PHIP: variants seen among roughly 807,000 people sequenced by gnomAD.
PHIP encodes PH-interacting protein.
A neutral mutation model predicts 236.8 loss-of-function variants in PHIP; 54 were observed. The observed-to-expected ratio is 0.23, with a 90% CI of 0.18 to 0.29. The LOEUF is 0.29. Among genes scored for constraint, PHIP ranks in the 10% least tolerant of loss-of-function variants. The pLI is 1.00. For synonymous variants in PHIP, 756 were observed against 718.9 expected (o/e 1.05, Z -0.83); for missense variants, 1,370 against 2,190.8 (o/e 0.63, Z 7.48).
rs1202614843 is a variant in PHIP, at chr6:78,936,663, C to A, written c.*4030G>T. 6.6e-6 allele frequency: 1 copy of A among 151,732 alleles called. No individual in the cohort carries two copies. 9.4% of individuals were successfully genotyped at this position (151,732 alleles called of 1,614,324 possible). Reference sequence around the variant, plus strand: ...GAGCTATCAAAACTAAAAATAATATCTATTTATAGCTCATATTTTCTACTC... The same window carrying A: ...GAGCTATCAAAACTAAAAATAATATATATTTATAGCTCATATTTTCTACTC... On this transcript the variant is annotated 3_prime_UTR_variant, in exon 40 of 40. Transcript: ENST00000275034.
intron 6 of PHIP, among the ~76,000 whole-genome samples, chr6:79,054,767 C>G (rs1772990137): frequency 6.6e-6 from 1 of 151,026 alleles, no homozygotes; most frequent in Non-Finnish European, 1.5e-5. Flanking sequence ...AAGAAATTAC[C>G]AGCTACAGAA....
chr6:78,966,139 C>T (rs1582123717), intron 27 of PHIP, 83 bp from the exon 28 acceptor site: 2 of 806,754 alleles, frequency 2.5e-6, no homozygotes, highest in East Asian at 4.9e-5. Flanking sequence ...CCTTTAAGTA[C>T]CTAAACTGCC....
chr6:78,968,075 C>A (rs1767263008), intron 27 of PHIP, among the ~76,000 whole-genome samples: 1 of 152,230 alleles, frequency 6.6e-6, no homozygotes, highest in South Asian at 2.1e-4. Flanking sequence ...GTGGAACTTG[C>A]AGTGAGCCAA....
At chr6:79,003,959 G>A (rs1210950573) in intron 15 of PHIP, 101 bp from the exon 16 acceptor site, 1 of 697,514 alleles carries the variant, frequency 1.4e-6, no homozygotes, top group African/African-American at 1.9e-5. Context: ...ACATCCTAAT[G>A]AAGTGAAGAT....
chr6:78,955,318 T>C, intron 33 of PHIP, 36 bp from the exon 34 acceptor site: 1 of 1,444,666 alleles, frequency 6.9e-7, no homozygotes, highest in Non-Finnish European at 9.7e-7. Flanking sequence ...CATAAAACAT[T>C]TTAGATGTCA....
rs1773340480 is a variant in PHIP, at chr6:78,938,131, T to C, written c.*2562A>G. 1 of 151,734 alleles carries C rather than the reference T, an allele frequency of 6.6e-6. No individual in the cohort carries two copies. The highest frequency in any genetic ancestry group is 1.5e-5 in the Non-Finnish European group (1 of 67,642). The allele number at this position is 151,734 out of a possible 1,614,324, so 9.4% of individuals were successfully genotyped here. On this transcript the variant is annotated 3_prime_UTR_variant, in exon 40 of 40. Coordinates refer to ENST00000275034, the MANE Select transcript of PHIP (RefSeq NM_017934.7). ...TTCAACTTCTGTAATGCATAGAAGC[T>C]AAATTATAAAAATATAAAATCTAAA... is the stretch of plus-strand genomic sequence containing the variant.
intron 24 of PHIP, among the ~76,000 whole-genome samples, chr6:78,973,593 A>G (rs1582142169): frequency 1.8e-5 from 1 of 55,256 alleles, no homozygotes; most frequent in Middle Eastern, 6.3e-3. Flanking sequence ...AAATTGGATA[A>G]ACAGTCAAGA....
rs914006985 is a variant in PHIP, at chr6:78,938,439, A to T, written c.*2254T>A. On this transcript the variant is annotated 3_prime_UTR_variant, in exon 40 of 40. Transcript: ENST00000275034. ...TTCTGTACACAACTTAAAACTGTAC[A>T]TTTTTTTTACAAAAATTGATTTTAT... 1 of 151,408 alleles carries T rather than the reference A, an allele frequency of 6.6e-6. No individual in the cohort carries two copies. The highest frequency in any genetic ancestry group is 2.4e-5 in the African/African-American group (1 of 41,334). The allele number at this position is 151,408 out of a possible 1,614,324, so 9.4% of individuals were successfully genotyped here. A position where few individuals can be genotyped will look rare whatever the true frequency, so the allele number is the denominator to read the frequency against.
chr6:78,959,780 T>C (rs1342730487), intron 31 of PHIP, among the ~76,000 whole-genome samples: 1 of 152,190 alleles, frequency 6.6e-6, no homozygotes, highest in Non-Finnish European at 1.5e-5. Flanking sequence ...TAAAATATAA[T>C]GTATCTTGAA....
rs1451043320 is a variant in PHIP, at chr6:79,015,212, T to C, written c.1394A>G (p.His465Arg). ...TTCAAGAACAAATACCTCATCTTCA[T>C]GACCCTGAAATATTTTTGAAGTGTC... ...TGQLIHVLMG[H>R]EDEVFVLEPH... Residue 465 changes from histidine (H) to arginine (R), a missense_variant, in exon 15 of 40, where the codon CAT becomes CGT. This residue lies in a region of PHIP where 188 missense variants were observed against 354.3 expected (regional missense o/e 0.53). Transcript: ENST00000275034. The C allele has an allele frequency of 1.2e-6, 2 of 1,607,378 alleles. No homozygotes were observed. Among genetic ancestry groups the C allele is most frequent in the South Asian group, 1.1e-5 (1 of 90,746 alleles).
intron 32 of PHIP, chr6:78,955,942 G>A (rs963394743): frequency 8.2e-6 from 2 of 243,074 alleles, no homozygotes; most frequent in African/African-American, 4.4e-5. Flanking sequence ...GGTATCTGCT[G>A]TGCTTCTTCC....
intron 4 of PHIP, among the ~76,000 whole-genome samples, chr6:79,065,495 T>C (rs1180660234): frequency 6.6e-6 from 1 of 152,136 alleles, no homozygotes; most frequent in Non-Finnish European, 1.5e-5. Flanking sequence ...CTTTATCATA[T>C]AGCATACACT....
intron 17 of PHIP, among the ~76,000 whole-genome samples, chr6:78,999,160 A>C (rs1769830909): frequency 6.6e-6 from 1 of 152,166 alleles, no homozygotes; most frequent in South Asian, 2.1e-4. Context: ...GCAGGGAGAA[A>C]CTTGTATTTT....
At chr6:79,024,062 T>C (rs1220937207) in intron 9 of PHIP, among the ~76,000 whole-genome samples, 2 of 152,200 alleles carry the variant, frequency 1.3e-5, no homozygotes, top group Non-Finnish European at 2.9e-5. Context: ...GGGATGCAAC[T>C]GAAGTGAAGT....
Position 78,982,950 on chromosome 6 carries a change from A to C in PHIP, c.2705T>G (p.Val902Gly), listed in dbSNP as rs1336669874. The change falls in exon 23 of 40, where the codon GTA (valine) becomes GGA (glycine). Residue 902 changes from valine (V) to glycine (G), a missense_variant. This residue lies in a region of PHIP where 76 missense variants were observed against 76.4 expected (regional missense o/e 0.99). Transcript: ENST00000275034. ...TATTGGTCCATCTTTTTCTTCATTT[A>C]CTTTTTTCTTTTCCTTTTTAATCTG... ...QKQIKKEKKK[V>G]NEEKDGPISP... The C allele has an allele frequency of 3.1e-6, 5 of 1,601,680 alleles. No homozygotes were observed. The highest frequency in any genetic ancestry group is 4.3e-6 in the Non-Finnish European group (5 of 1,174,928).
chr6:79,073,322 C>G (rs1295846320), intron 4 of PHIP, among the ~76,000 whole-genome samples: 2 of 141,554 alleles, frequency 1.4e-5, no homozygotes, highest in Admixed American at 1.4e-4. Context: ...CCCTTCACGC[C>G]TAACATATTT....
chr6:78,967,192 T>C (rs561477186), intron 27 of PHIP, among the ~76,000 whole-genome samples: 1 of 152,192 alleles, frequency 6.6e-6, no homozygotes, highest in African/African-American at 2.4e-5. Flanking sequence ...TAAAAGAATA[T>C]GATAAAAAAG....
rs1481859485 is a variant in PHIP at position 78,937,525 on chromosome 6, A to C, written c.*3168T>G. ...GTAATTCATTTCCAAGTGATAACTA[A>C]ATTTAGTCAATCCCAAGTCTCAGAT... On this transcript the variant is annotated 3_prime_UTR_variant, in exon 40 of 40. Transcript: ENST00000275034. 1 of 151,744 alleles carries C rather than the reference A, an allele frequency of 6.6e-6. No individual in the cohort carries two copies. Among genetic ancestry groups the C allele is most frequent in the Non-Finnish European group, 1.5e-5 (1 of 67,650 alleles). 9.4% of individuals were successfully genotyped at this position (151,744 alleles called of 1,614,324 possible).
At chr6:79,029,291 C>T (rs3929865) in intron 7 of PHIP, among the ~76,000 whole-genome samples, 140,247 of 152,150 alleles carry the variant, frequency 0.92, 64,768 homozygotes, top group East Asian at 1. Context: ...TCCAACAGAA[C>T]TGCAAGCATT....
Sources: allele counts gnomAD v4.1 joint callset (sites outside exome capture counted in the v4.1 genomes callset), GRCh38; gene constraint gnomAD v4.1.1; regional missense constraint gnomAD v4.1.1; transcripts MANE v1.5; gene names NCBI Gene and HGNC (gene_info 2026-07-23, HGNC 2026-07-21).